PRR16: variants seen among roughly 807,000 people sequenced by gnomAD.
PRR16 encodes protein Largen.
PRR16 carries 6 observed loss-of-function variants against 18.2 expected under a neutral mutation model. The ratio of observed to expected loss-of-function variants is 0.33; its 90% CI spans 0.18 to 0.65. PRR16 has a LOEUF of 0.65. Ranked by LOEUF, PRR16 falls within the 30% of genes least tolerant of loss-of-function variation. The pLI is 0.74. For synonymous variants in PRR16, 151 were observed against 147.8 expected, an observed-to-expected ratio of 1.02 and a Z score of -0.16; for missense variants, 412 against 376.6, an observed-to-expected ratio of 1.09 and a Z score of -0.78.
chr5:120,600,417 A>T (rs1753945347), intron 1 of PRR16, among the ~76,000 whole-genome samples: 1 of 151,892 alleles, frequency 6.6e-6, no homozygotes, highest in Admixed American at 6.6e-5. Context: ...ACGCATAATG[A>T]TAATTGGGAT....
chr5:120,538,561 G>A (rs1190961516), intron 1 of PRR16, among the ~76,000 whole-genome samples: 1 of 152,182 alleles, frequency 6.6e-6, no homozygotes, highest in Non-Finnish European at 1.5e-5. Context: ...GCGATATAGG[G>A]GACCAAATAA....
chr5:120,691,269 C>T (rs1757205828), downstream of PRR16, among the ~76,000 whole-genome samples: 1 of 152,104 alleles, frequency 6.6e-6, no homozygotes, highest in South Asian at 2.1e-4. Context: ...TAAATCTTTC[C>T]TTTATTCTGA....
intron 1 of PRR16, chr5:120,658,137 AT>A: frequency 6.6e-6 from 1 of 151,880 alleles, no homozygotes; most frequent in Non-Finnish European, 1.5e-5. Context: ...CCCTCTGCAA[AT>A]ACAACTACAG....
chr5:120,721,958 T>A, the PRR16 span, among the ~76,000 whole-genome samples: 1 of 152,066 alleles, frequency 6.6e-6, no homozygotes, highest in Non-Finnish European at 1.5e-5. Flanking sequence ...GGTATACACA[T>A]GCTTTGCTGC....
chr5:120,613,709 T>G (rs1452342518), intron 1 of PRR16, among the ~76,000 whole-genome samples: 1 of 152,192 alleles, frequency 6.6e-6, no homozygotes, highest in Non-Finnish European at 1.5e-5. Context: ...ATACTTTTCC[T>G]TTAAGGCACT....
At chr5:120,675,222 C>A (rs1756754871) in intron 1 of PRR16, among the ~76,000 whole-genome samples, 1 of 152,172 alleles carries the variant, frequency 6.6e-6, no homozygotes, top group Non-Finnish European at 1.5e-5. Context: ...ATCTTCATGA[C>A]TTTCCCAATG....
chr5:120,482,293 C>A (rs796764160), intron 1 of PRR16, among the ~76,000 whole-genome samples: 9 of 152,102 alleles, frequency 5.9e-5, no homozygotes, highest in African/African-American at 2.2e-4. Flanking sequence ...TTCTCTCCCC[C>A]CATTAGTCCC....
chr5:120,690,549 A>T (rs1757196857), downstream of PRR16, among the ~76,000 whole-genome samples: 1 of 152,148 alleles, frequency 6.6e-6, no homozygotes, highest in Non-Finnish European at 1.5e-5. Context: ...ATGAGCAATA[A>T]ATTTCTATAA....
intron 1 of PRR16, among the ~76,000 whole-genome samples, chr5:120,583,312 AATGT>A (rs1038798984): frequency 2.5e-4 from 25 of 98,698 alleles, no homozygotes; most frequent in South Asian, 3.8e-4. Context: ...AATACAAAAT[AATGT>A]GTGTGTGTGT....
At chr5:120,466,161 G>C (rs772978583) in intron 1 of PRR16, among the ~76,000 whole-genome samples, 11 of 152,162 alleles carry the variant, frequency 7.2e-5, no homozygotes, top group African/African-American at 1.2e-4. Context: ...GGTTTCTGTA[G>C]GATTATTGCT....
At chr5:120,769,579 T>C in the PRR16 span, among the ~76,000 whole-genome samples, 1 of 151,888 alleles carries the variant, frequency 6.6e-6, no homozygotes, top group Admixed American at 6.6e-5. Flanking sequence ...TCATTCTATG[T>C]ATGTACCATA....
chr5:120,669,573 G>A (rs1189417902), intron 1 of PRR16, among the ~76,000 whole-genome samples: 2 of 151,862 alleles, frequency 1.3e-5, no homozygotes, highest in Non-Finnish European at 2.9e-5. Context: ...GTGTCCTAGA[G>A]CCCATATATC....
the PRR16 span, among the ~76,000 whole-genome samples, chr5:120,719,521 T>C: frequency 2.6e-5 from 4 of 152,164 alleles, no homozygotes; most frequent in East Asian, 5.8e-4. Context: ...CAGAGAGATA[T>C]GAGATTCTGG....
chr5:120,530,361 G>A (rs907594361), intron 1 of PRR16, among the ~76,000 whole-genome samples: 19 of 146,122 alleles, frequency 1.3e-4, no homozygotes, highest in African/African-American at 3.8e-4. Context: ...ATTCTTTCCC[G>A]GAGTAAGCTG....
At chr5:120,780,796 A>G in the PRR16 span, among the ~76,000 whole-genome samples, 1 of 152,176 alleles carries the variant, frequency 6.6e-6, no homozygotes, top group Non-Finnish European at 1.5e-5. Context: ...CAAGCCTGTA[A>G]TCCCGGCGCT....
intron 1 of PRR16, among the ~76,000 whole-genome samples, chr5:120,643,935 G>T (rs548741212): frequency 1.1e-4 from 16 of 152,102 alleles, no homozygotes; most frequent in Non-Finnish European, 2.4e-4. Flanking sequence ...AACCCAGGAG[G>T]TGGAGGTTGC....
chr5:120,694,010 C>T, the PRR16 span, among the ~76,000 whole-genome samples: 1 of 152,302 alleles, frequency 6.6e-6, no homozygotes, highest in African/African-American at 2.4e-5. Context: ...CACCCAGTTT[C>T]CTAACAATTT....
chr5:120,607,771 C>T (rs934228118), intron 1 of PRR16, among the ~76,000 whole-genome samples: 2 of 151,458 alleles, frequency 1.3e-5, no homozygotes, highest in African/African-American at 4.9e-5. Flanking sequence ...AGGTGATAAC[C>T]ATGTGTGTTT....
chr5:120,543,042 C>T (rs1331756943), intron 1 of PRR16, among the ~76,000 whole-genome samples: 1 of 152,050 alleles, frequency 6.6e-6, no homozygotes, highest in African/African-American at 2.4e-5. Context: ...CATTTCTGTC[C>T]TTTTAAATAA....
Sources: allele counts gnomAD v4.1 joint callset (sites outside exome capture counted in the v4.1 genomes callset), GRCh38; gene constraint gnomAD v4.1.1; transcripts MANE v1.5; gene names NCBI Gene and HGNC (gene_info 2026-07-23, HGNC 2026-07-21).